PTPRO: variants seen among roughly 807,000 people sequenced by gnomAD.
PTPRO encodes the protein protein tyrosine phosphatase receptor type O, also known as receptor-type tyrosine-protein phosphatase O.
PTPRO carries 62 observed loss-of-function variants against 145.2 expected under a neutral mutation model. That is an observed-to-expected ratio of 0.43 (90% confidence interval 0.35 to 0.53). PTPRO has a LOEUF of 0.53. PTPRO is among the 20% of genes least tolerant of loss of function. PTPRO has a pLI of 0.01. For missense variants in PTPRO, 1,345 were observed against 1,482.7 expected (o/e 0.91, Z 1.53); for synonymous variants, 565 against 514.7 (o/e 1.10, Z -1.32).
At chr12:15,340,810 T>C (rs560150373) in intron 1 of PTPRO, among the ~76,000 whole-genome samples, 1 of 152,150 alleles carries the variant, frequency 6.6e-6, no homozygotes, top group African/African-American at 2.4e-5. Context: ...ACACCTCAGA[T>C]TGGCCTTTCC....
At chr12:15,512,403 C>T (rs991880854) in intron 7 of PTPRO, among the ~76,000 whole-genome samples, 2 of 152,150 alleles carry the variant, frequency 1.3e-5, no homozygotes, top group African/African-American at 4.8e-5. Flanking sequence ...GCGTGAGCCA[C>T]TGCGCCCAGC....
At chr12:15,407,906 G>A (rs1340910317) in intron 1 of PTPRO, among the ~76,000 whole-genome samples, 1 of 152,208 alleles carries the variant, frequency 6.6e-6, no homozygotes, top group South Asian at 2.1e-4. Context: ...ACAAGATGAG[G>A]AAATTAAATG....
chr12:15,480,978 G>A (rs1025514722), intron 1 of PTPRO, among the ~76,000 whole-genome samples: 12 of 152,196 alleles, frequency 7.9e-5, no homozygotes, highest in Non-Finnish European at 1.6e-4. Context: ...GAAACAGTCA[G>A]AGAGGAACTT....
At chr12:15,489,445 A>G (rs1257289437) in intron 2 of PTPRO, among the ~76,000 whole-genome samples, 2 of 152,206 alleles carry the variant, frequency 1.3e-5, no homozygotes, top group African/African-American at 2.4e-5. Context: ...ATTATTCATG[A>G]GTTTTCCAAA....
At position 15,391,597 on chromosome 12, in the gene PTPRO, C is replaced by A. The variant is rs190163485; in HGVS notation, c.75+68796C>A. Among the ~76,000 whole-genome samples the A allele has an allele frequency of 6.6e-5, 10 of 152,314 alleles. No individual in the cohort carries two copies. In the East Asian group the frequency reaches 1.9e-3, roughly 29 times the overall value. ...ATGTCCCCATTGCATCTCACCAATC[C>A]TAGCACTTCGTAGAAATTAGGGTCA... is the stretch of plus-strand genomic sequence containing the variant. On this transcript the variant is annotated intron_variant, in intron 1 of 26. Transcript: ENST00000281171.
At position 15,551,491 on chromosome 12, in the gene PTPRO, G is replaced by T. The variant is rs1012674; in HGVS notation, c.2438-60G>T. ...TAAGACTAGATGAAAAGCAATGAAT[G>T]GTTCTGTTTGGTTCCCTGTAAGAGA... On this transcript the variant is annotated intron_variant, in intron 14 of 26. Transcript: ENST00000281171. 0.3 allele frequency: 470,845 copies of T among 1,591,978 alleles called. 70,931 individuals carry two copies. Among genetic ancestry groups the T allele is most frequent in the Middle Eastern group, 0.39 (2,342 of 6,018 alleles).
chr12:15,494,172 G>A (rs557952917), intron 2 of PTPRO, among the ~76,000 whole-genome samples: 127 of 151,968 alleles, frequency 8.4e-4, no homozygotes, highest in African/African-American at 2.7e-3. Context: ...GTTACAGGGG[G>A]GAATTTCAAA....
intron 1 of PTPRO, among the ~76,000 whole-genome samples, chr12:15,441,231 T>C (rs1031331194): frequency 1.3e-5 from 2 of 151,914 alleles, no homozygotes; most frequent in Non-Finnish European, 2.9e-5. Flanking sequence ...ACATGGAAAG[T>C]AAATAATTTG....
intron 1 of PTPRO, among the ~76,000 whole-genome samples, chr12:15,366,929 A>G (rs944839404): frequency 2.0e-5 from 3 of 152,218 alleles, no homozygotes; most frequent in Non-Finnish European, 2.9e-5. Flanking sequence ...CAATTAAAAA[A>G]TACAGGTACT....
intron 1 of PTPRO, among the ~76,000 whole-genome samples, chr12:15,352,649 C>CAA (rs71042243): frequency 2.3e-4 from 23 of 100,356 alleles, no homozygotes; most frequent in African/African-American, 8.9e-4. Context: ...GACTCTGTCT[C>CAA]AAAAAAAAAA....
chr12:15,564,494 G>A (rs1943850251), intron 17 of PTPRO, among the ~76,000 whole-genome samples: 3 of 152,228 alleles, frequency 2.0e-5, no homozygotes. Context: ...TATAGTGAGT[G>A]TAGCAAGGTG....
intron 1 of PTPRO, among the ~76,000 whole-genome samples, chr12:15,326,370 T>TG (rs1273675666): frequency 6.6e-6 from 1 of 152,234 alleles, no homozygotes; most frequent in East Asian, 1.9e-4. Flanking sequence ...AAAGGCTCCC[T>TG]GGGCCATGCT....
intron 1 of PTPRO, among the ~76,000 whole-genome samples, chr12:15,456,419 G>T (rs948139870): frequency 6.6e-6 from 1 of 152,098 alleles, no homozygotes; most frequent in African/African-American, 2.4e-5. Context: ...AGGGTTATTG[G>T]CCTGTAGTTT....
chr12:15,518,901 C>G (rs1942653969), intron 9 of PTPRO, among the ~76,000 whole-genome samples: 1 of 152,168 alleles, frequency 6.6e-6, no homozygotes, highest in Admixed American at 6.5e-5. Flanking sequence ...CCACATTTTA[C>G]TGTCTTCTGA....
intron 19 of PTPRO, among the ~76,000 whole-genome samples, chr12:15,577,884 G>A (rs367793780): frequency 3.9e-5 from 6 of 152,124 alleles, no homozygotes; most frequent in African/African-American, 9.7e-5. Context: ...CGTAATCCCC[G>A]TTTCCTGTAA....
chr12:15,362,463 A>C (rs771399835), intron 1 of PTPRO, among the ~76,000 whole-genome samples: 1 of 152,196 alleles, frequency 6.6e-6, no homozygotes, highest in Non-Finnish European at 1.5e-5. Context: ...TTAATGTTTT[A>C]AATACATTTT....
At chr12:15,398,198 A>C (rs1318979804) in intron 1 of PTPRO, among the ~76,000 whole-genome samples, 1 of 152,200 alleles carries the variant, frequency 6.6e-6, no homozygotes, top group Non-Finnish European at 1.5e-5. Context: ...AGGAGCACAT[A>C]AATAGGCTGC....
Position 15,434,544 on chromosome 12 carries a change from T to A in PTPRO, c.76-49430T>A, listed in dbSNP as rs551256384. Among the ~76,000 whole-genome samples the A allele has an allele frequency of 3.5e-4, 53 of 152,208 alleles. 1 individual carries two copies. The highest frequency in any genetic ancestry group is 8.8e-5 in the Non-Finnish European group (6 of 68,022). ...TTGGCCATTAAACATTTTTCACAGA[T>A]GACATCAAAAGTGTTATTCACATAA... On this transcript the variant is annotated intron_variant, in intron 1 of 26. Coordinates refer to ENST00000281171, the MANE Select transcript of PTPRO (RefSeq NM_030667.3).
chr12:15,467,049 G>T (rs1406634786), intron 1 of PTPRO, among the ~76,000 whole-genome samples: 1 of 152,132 alleles, frequency 6.6e-6, no homozygotes, highest in African/African-American at 2.4e-5. Context: ...AATCTGAAAA[G>T]TGCAAATAGT....
Sources: gnomAD v4.1 joint callset for allele counts (sites outside exome capture counted in the v4.1 genomes callset) on GRCh38, gnomAD v4.1.1 for gene constraint, MANE v1.5 for transcripts, NCBI Gene and HGNC (gene_info 2026-07-23, HGNC 2026-07-21) for gene names.